The following LCA5 variants were observed in gnomAD, a reference collection of about 807,000 sequenced individuals.
LCA5 encodes the protein lebercilin LCA5.
Under a neutral mutation model 53.0 loss-of-function variants are expected in LCA5, and 37 were observed. That is an observed-to-expected ratio of 0.70 (90% CI 0.54 to 0.92). The LOEUF is 0.92. Ranked by LOEUF, LCA5 falls within the 40% of genes least tolerant of loss-of-function variation. The pLI is 0.00. For synonymous variants in LCA5, 303 were observed against 282.9 expected (o/e 1.07, Z -0.71); for missense variants, 806 against 790.5 (o/e 1.02, Z -0.23).
rs747853909 is a variant in LCA5 at position 79,489,058 on chromosome 6, A to G, written c.1231+26T>C. 97 of 1,611,850 alleles carry G rather than the reference A, an allele frequency of 6.0e-5. No homozygotes were observed. The Middle Eastern group carries it at 1.8e-3, about 30-fold the overall frequency. ...TTCTCAAGGGATGCTGACTTGTCAC[A>G]TGCTTAAACAAACTCTTTTTCTTAC... On this transcript the variant is annotated intron_variant, in intron 7 of 7. Transcript: ENST00000369846.
At position 79,513,202 on chromosome 6, in the gene LCA5, G is replaced by A; in HGVS notation, c.720+10C>T. 6.2e-7 allele frequency: 1 copy of A among 1,608,634 alleles called. No individual in the cohort carries two copies. Among genetic ancestry groups the A allele is most frequent in the East Asian group, 2.2e-5 (1 of 44,788 alleles). On this transcript the variant is annotated intron_variant, in intron 3 of 7. Transcript: ENST00000369846. ...CAAGAAAGTACAATTAGAAGCTGTA[G>A]AAATTGTACCTTAATTCTTCTCTCG... is the stretch of plus-strand genomic sequence containing the variant.
chr6:79,489,041 G>A, intron 7 of LCA5, 43 bp downstream of exon 7: 1 of 1,607,192 alleles, frequency 6.2e-7, no homozygotes, highest in Non-Finnish European at 8.5e-7. Flanking sequence ...CTTTCTCAAG[G>A]GATGCTGACT....
At chr6:79,511,383 T>C (rs560827224) in intron 3 of LCA5, among the ~76,000 whole-genome samples, 1 of 152,284 alleles carries the variant, frequency 6.6e-6, no homozygotes, top group African/African-American at 2.4e-5. Flanking sequence ...TTAGATACTG[T>C]GTGATTCCAT....
chr6:79,504,559 C>T (rs554165311), intron 3 of LCA5, among the ~76,000 whole-genome samples: 1 of 152,170 alleles, frequency 6.6e-6, no homozygotes, highest in African/African-American at 2.4e-5. Context: ...TAGTTGGCCA[C>T]CGGTCACTGG....
chr6:79,530,897 A>G (rs867877962), intron 1 of LCA5, among the ~76,000 whole-genome samples: 32 of 152,318 alleles, frequency 2.1e-4, no homozygotes, highest in African/African-American at 7.7e-4. Context: ...AAAAGAAACA[A>G]ATAACGATGA....
chr6:79,487,906 G>C, intron 7 of LCA5, 40 bp from the exon 8 acceptor site: 2 of 1,481,266 alleles, frequency 1.4e-6, no homozygotes, highest in Non-Finnish European at 1.9e-6. Context: ...TTTTGTAACA[G>C]TCAATATTTT....
At chr6:79,523,570 A>C (rs1766690460) in intron 1 of LCA5, among the ~76,000 whole-genome samples, 1 of 152,244 alleles carries the variant, frequency 6.6e-6, no homozygotes, top group African/African-American at 2.4e-5. Context: ...AACACATATG[A>C]GATGCTCAGT....
At chr6:79,514,037 A>C (rs2127680586) in intron 2 of LCA5, among the ~76,000 whole-genome samples, 1 of 152,278 alleles carries the variant, frequency 6.6e-6, no homozygotes, top group East Asian at 1.9e-4. Flanking sequence ...TTTAGATAAG[A>C]TGGCAAGTCA....
intron 3 of LCA5, among the ~76,000 whole-genome samples, chr6:79,497,174 G>A (rs1770002708): frequency 6.6e-6 from 1 of 152,152 alleles, no homozygotes; most frequent in Admixed American, 6.6e-5. Flanking sequence ...AGAGCATCAT[G>A]ATAAATACCG....
intron 3 of LCA5, among the ~76,000 whole-genome samples, chr6:79,508,124 A>C (rs376824722): frequency 1.3e-5 from 2 of 152,204 alleles, no homozygotes; most frequent in Admixed American, 6.5e-5. Context: ...CACTGAGGTA[A>C]CTGCCCTTTG....
chr6:79,500,941 C>A (rs2575199), intron 3 of LCA5, among the ~76,000 whole-genome samples: 1,821 of 152,138 alleles, frequency 0.012, 41 homozygotes, highest in African/African-American at 0.04. Flanking sequence ...TACCTAAAAT[C>A]TGGTACTTGC....
chr6:79,525,691 C>T (rs992657664), intron 1 of LCA5, among the ~76,000 whole-genome samples: 1 of 152,200 alleles, frequency 6.6e-6, no homozygotes, highest in Non-Finnish European at 1.5e-5. Flanking sequence ...TGCAAAGGCT[C>T]AGAGATCAAA....
intron 1 of LCA5, among the ~76,000 whole-genome samples, chr6:79,524,065 GA>G (rs1264583668): frequency 6.6e-6 from 1 of 151,908 alleles, no homozygotes; most frequent in African/African-American, 2.4e-5. Flanking sequence ...CTATTAAGTG[GA>G]AAAAACGTTT....
intron 1 of LCA5, among the ~76,000 whole-genome samples, chr6:79,530,315 A>T (rs1285599856): frequency 6.6e-6 from 1 of 152,126 alleles, no homozygotes; most frequent in Admixed American, 6.5e-5. Context: ...ATGAGAACAC[A>T]TGGACATATA....
intron 1 of LCA5, among the ~76,000 whole-genome samples, chr6:79,534,831 A>G (rs9352747): frequency 0.093 from 14,226 of 152,150 alleles, 1,482 homozygotes; most frequent in East Asian, 0.55. Flanking sequence ...TGCAAAAGTA[A>G]AAGGCATTAG....
At chr6:79,514,210 GTGATGTTGAGCT>G (rs1766357892) in intron 2 of LCA5, among the ~76,000 whole-genome samples, 1 of 152,136 alleles carries the variant, frequency 6.6e-6, no homozygotes, top group Non-Finnish European at 1.5e-5. Flanking sequence ...CTAATGATCA[GTGATGTTGAGCT>G]TTTTTCATAT....
chr6:79,499,685 T>G (rs1019070020), intron 3 of LCA5, among the ~76,000 whole-genome samples: 1 of 151,972 alleles, frequency 6.6e-6, no homozygotes, highest in Non-Finnish European at 1.5e-5. Flanking sequence ...TTTTTCCTTT[T>G]TTTTAAATTT....
chr6:79,487,466 A>C lies in LCA5; in HGVS notation c.1632T>G (p.Ser544Arg). Residue 544 changes from serine (S) to arginine (R), a missense_variant, in exon 8 of 8, where the codon AGT becomes AGG. By Grantham distance (110) the Ser-to-Arg change is moderately radical. Coordinates refer to ENST00000369846, the MANE Select transcript of LCA5 (RefSeq NM_001122769.3). ...ATGCGAACTCATTAGGGGAGGCTGG[A>C]CTTCTAACATTTCCTGAATTCTGAC... ...GEGQNSGNVRSPASPNEFAFG... is the reference protein window; with the variant it reads ...GEGQNSGNVRRPASPNEFAFG... 1 of 1,614,024 alleles carries C rather than the reference A, an allele frequency of 6.2e-7. No homozygotes were observed. Among genetic ancestry groups the C allele is most frequent in the East Asian group, 2.2e-5 (1 of 44,870 alleles).
chr6:79,502,359 T>G (rs981380091), intron 3 of LCA5, among the ~76,000 whole-genome samples: 1 of 152,240 alleles, frequency 6.6e-6, no homozygotes, highest in Non-Finnish European at 1.5e-5. Context: ...ATGCTTCCTC[T>G]GTGCATTACG....
Sources: gnomAD v4.1 joint callset for allele counts (sites outside exome capture counted in the v4.1 genomes callset) on GRCh38, gnomAD v4.1.1 for gene constraint, MANE v1.5 for transcripts, NCBI Gene and HGNC (gene_info 2026-07-23, HGNC 2026-07-21) for gene names.